The following ZNF469 variants were observed in gnomAD, a reference collection of about 807,000 sequenced individuals.
ZNF469 encodes the protein zinc finger protein 469.
Under a neutral mutation model 1.0 loss-of-function variants are expected in ZNF469, and 1 was observed. The ratio of observed to expected loss-of-function variants is 1.00; its 90% CI spans 0.35 to 4.73. The LOEUF is 4.73. Ranked by LOEUF, ZNF469 falls within the 30% of genes most tolerant of loss-of-function variation. ZNF469 has a pLI of 0.16. For synonymous variants in ZNF469, 2,703 were observed against 2,363.4 expected (o/e 1.14, Z -4.17); for missense variants, 6,100 against 5,356.3 (o/e 1.14, Z -4.33).
At position 88,438,702 on chromosome 16, in the gene ZNF469, A is replaced by T; in HGVS notation, c.11232A>T (p.Thr3744=). 1 of 1,549,938 alleles carries T rather than the reference A, an allele frequency of 6.5e-7. No individual in the cohort carries two copies. The highest frequency in any genetic ancestry group is 8.7e-7 in the Non-Finnish European group (1 of 1,146,832). Residue 3744 remains threonine, a synonymous_variant, in exon 3 of 3, where the codon ACA becomes ACT. Coordinates refer to ENST00000565624, the MANE Select transcript of ZNF469 (RefSeq NM_001367624.2). ...GSGSPRPGTK[T]GGGSQPQPAS... is the part of the protein sequence containing the mutation. ...GAAGCCCTCGCCCCGGCACCAAGAC[A>T]GGAGGTGGCAGCCAGCCCCAGCCAG...
chr16:88,106,268 G>A, the ZNF469 span, among the ~76,000 whole-genome samples: 2 of 152,144 alleles, frequency 1.3e-5, no homozygotes, highest in African/African-American at 2.4e-5. Flanking sequence ...CCTCCATGCC[G>A]CTCCTGCGCC....
At chr16:88,293,084 T>TGGTGGGTGGATGGATG in the ZNF469 span, among the ~76,000 whole-genome samples, 1 of 152,154 alleles carries the variant, frequency 6.6e-6, no homozygotes, top group Non-Finnish European at 1.5e-5. Context: ...GGCCTGTGGA[T>TGGTGGGTGGATGGATG]GGTGGGTGGA....
At chr16:88,142,493 G>A in the ZNF469 span, among the ~76,000 whole-genome samples, 2 of 152,240 alleles carry the variant, frequency 1.3e-5, no homozygotes, top group Non-Finnish European at 2.9e-5. Flanking sequence ...CAACAGCCCA[G>A]TGTGAGCCTC....
upstream of ZNF469, among the ~76,000 whole-genome samples, chr16:88,380,580 GACATGCACTCACAC>G (rs1289013107): frequency 2.1e-5 from 2 of 95,648 alleles, no homozygotes; most frequent in African/African-American, 8.0e-5. Context: ...CCCTCACACA[GACATGCACTCACAC>G]ACATGCACTC....
chr16:88,220,667 C>T, the ZNF469 span, among the ~76,000 whole-genome samples: 4 of 152,150 alleles, frequency 2.6e-5, no homozygotes, highest in South Asian at 6.2e-4. Context: ...AGGGAGAGGT[C>T]GCACTGTCCA....
the ZNF469 span, among the ~76,000 whole-genome samples, chr16:88,153,620 G>A: frequency 1.3e-5 from 2 of 152,236 alleles, no homozygotes; most frequent in South Asian, 2.1e-4. Context: ...TGTGGACTGC[G>A]GGAGGCCTTG....
chr16:88,277,023 G>C, the ZNF469 span, among the ~76,000 whole-genome samples: 1 of 147,980 alleles, frequency 6.8e-6, no homozygotes, highest in Non-Finnish European at 1.5e-5. Context: ...CCACGCTGAC[G>C]CTTGGTCAGT....
chr16:88,332,721 G>T, the ZNF469 span, among the ~76,000 whole-genome samples: 2 of 152,310 alleles, frequency 1.3e-5, no homozygotes, highest in South Asian at 4.1e-4. Context: ...ATGGGGGAGG[G>T]GGGGCTGCTG....
the ZNF469 span, among the ~76,000 whole-genome samples, chr16:88,107,925 G>C: frequency 6.6e-6 from 1 of 152,238 alleles, no homozygotes; most frequent in African/African-American, 2.4e-5. Flanking sequence ...CAGGCGCCTG[G>C]TAATGGCTGA....
At chr16:88,208,100 G>A in the ZNF469 span, among the ~76,000 whole-genome samples, 7 of 151,814 alleles carry the variant, frequency 4.6e-5, no homozygotes, top group South Asian at 1.3e-3. Context: ...GTGTGGACTC[G>A]TGGCTTTTTA....
chr16:88,249,391 A>T, the ZNF469 span, among the ~76,000 whole-genome samples: 150 of 104,874 alleles, frequency 1.4e-3, no homozygotes, highest in African/African-American at 4.9e-3. Flanking sequence ...CACAACTGCC[A>T]TTTTTTTTTC....
At chr16:88,400,980 T>G (rs552334428) in intron 1 of ZNF469, among the ~76,000 whole-genome samples, 1 of 151,930 alleles carries the variant, frequency 6.6e-6, no homozygotes, top group African/African-American at 2.4e-5. Flanking sequence ...CGGAGGGGGA[T>G]GGAAGGGCAT....
the ZNF469 span, among the ~76,000 whole-genome samples, chr16:88,293,963 C>G: frequency 0.42 from 64,464 of 152,020 alleles, 14,452 homozygotes; most frequent in African/African-American, 0.59. Context: ...CACGAGACGG[C>G]CTTTACTCTG....
Position 88,383,200 on chromosome 16 carries a change from C to A in ZNF469, c.-246C>A, listed in dbSNP as rs1392150634. The stretch of plus-strand genomic sequence containing the variant: ...TGCAGAGCGCTGGGGCGGCGCGGGC[C>A]GGGAGCTCGTTGGCGGCGGCCGGCG... On this transcript the variant is annotated 5_prime_UTR_variant, in exon 1 of 3. Coordinates refer to ENST00000565624, the MANE Select transcript of ZNF469 (RefSeq NM_001367624.2). 6.8e-6 allele frequency among the ~76,000 whole-genome samples: 1 copy of A among 147,402 alleles called. No individual in the cohort carries two copies. The highest frequency in any genetic ancestry group is 6.7e-5 in the Admixed American group (1 of 14,846).
At chr16:88,338,758 C>A in the ZNF469 span, among the ~76,000 whole-genome samples, 2 of 152,048 alleles carry the variant, frequency 1.3e-5, no homozygotes, top group Non-Finnish European at 2.9e-5. Flanking sequence ...AGGGCAGGGC[C>A]ACAGCAGAGA....
At chr16:88,111,010 G>A in the ZNF469 span, among the ~76,000 whole-genome samples, 2 of 152,366 alleles carry the variant, frequency 1.3e-5, no homozygotes, top group Admixed American at 1.3e-4. Context: ...CGGCCCAGAC[G>A]GGCACTCGTG....
chr16:88,331,367 C>G, the ZNF469 span, among the ~76,000 whole-genome samples: 5 of 150,158 alleles, frequency 3.3e-5, no homozygotes, highest in Non-Finnish European at 7.4e-5. Context: ...TCATCACCAT[C>G]ATCATCATCA....
At position 88,428,112 on chromosome 16, in the gene ZNF469, G is replaced by C; in HGVS notation, c.642G>C (p.Arg214Ser). The change falls in exon 3 of 3, where the codon AGG (arginine) becomes AGC (serine). Residue 214 changes from arginine to serine, a missense_variant. By Grantham distance (110) the Arg-to-Ser change is moderately radical. Coordinates refer to ENST00000565624, the MANE Select transcript of ZNF469 (RefSeq NM_001367624.2). Reference protein sequence around the residue: ...RPPAPGPPQSRGTSPLQPGSY... With the variant: ...RPPAPGPPQSSGTSPLQPGSY... ...CAGCCCCGGGGCCCCCCCAGAGCAG[G>C]GGCACCAGCCCCCTCCAGCCCGGTT... The C allele has an allele frequency of 1.3e-6, 2 of 1,549,944 alleles. No individual in the cohort carries two copies. Among genetic ancestry groups the C allele is most frequent in the East Asian group, 2.4e-5 (1 of 40,894 alleles).
chr16:88,184,166 C>A, the ZNF469 span, among the ~76,000 whole-genome samples: 1 of 152,174 alleles, frequency 6.6e-6, no homozygotes, highest in South Asian at 2.1e-4. Context: ...CCAGGGAGAG[C>A]CTCACGTGGC....
Sources: allele counts gnomAD v4.1 joint callset (sites outside exome capture counted in the v4.1 genomes callset), GRCh38; gene constraint gnomAD v4.1.1; transcripts MANE v1.5; gene names NCBI Gene and HGNC (gene_info 2026-07-23, HGNC 2026-07-21).